Variants in AP3S2 observed in about 807,000 individuals in gnomAD.
AP3S2 encodes the protein AP-3 complex subunit sigma-2.
A neutral mutation model predicts 23.4 loss-of-function variants in AP3S2; 22 were observed. The observed-to-expected ratio is 0.94, with a 90% CI of 0.67 to 1.34. The LOEUF is 1.34. Ranked by LOEUF, AP3S2 falls within the 40% of genes most tolerant of loss-of-function variation. The pLI, the probability that AP3S2 is intolerant of heterozygous loss-of-function variation, is 0.00. For synonymous variants in AP3S2, 86 were observed against 87.1 expected, an observed-to-expected ratio of 0.99 and a Z score of 0.07; for missense variants, 241 against 236.9, an observed-to-expected ratio of 1.02 and a Z score of -0.11.
intron 4 of AP3S2, among the ~76,000 whole-genome samples, chr15:89,840,033 C>T (rs781324173): frequency 5.3e-5 from 8 of 152,122 alleles, no homozygotes; most frequent in East Asian, 3.9e-4. Context: ...GAAACTGGAA[C>T]GGGGGCTGCC....
At chr15:89,888,454 G>C (rs1490840924) in intron 3 of AP3S2, 67 bp downstream of exon 3, 2 of 1,484,292 alleles carry the variant, frequency 1.3e-6, no homozygotes, top group Non-Finnish European at 1.9e-6. Context: ...GGTTCTACAG[G>C]CTGGTTACTC....
At chr15:89,881,860 G>A (rs759590047) in intron 3 of AP3S2, among the ~76,000 whole-genome samples, 73 of 148,448 alleles carry the variant, frequency 4.9e-4, no homozygotes, top group Non-Finnish European at 1.6e-4. Flanking sequence ...CACTGTTGTC[G>A]CCCAGGCTGG....
At position 89,835,099 on chromosome 15, in the gene AP3S2, C is replaced by G. The variant is rs1486245997; in HGVS notation, c.*416G>C. 2 of 206,646 alleles carry G rather than the reference C, an allele frequency of 9.7e-6. No homozygotes were observed. Among genetic ancestry groups the G allele is most frequent in the Non-Finnish European group, 1.9e-5 (2 of 104,568 alleles). The allele number at this position is 206,646 out of a possible 1,614,324, so 12.8% of individuals were successfully genotyped here. A position where few individuals can be genotyped will look rare whatever the true frequency, so the allele number is the denominator to read the frequency against. Reference sequence around the variant, plus strand: ...CACAGGACCTCAGAAGTCTGTGGTGCTAAGGATGAAGACTCTACTCAGAGA... The same window carrying G: ...CACAGGACCTCAGAAGTCTGTGGTGGTAAGGATGAAGACTCTACTCAGAGA... On this transcript the variant is annotated 3_prime_UTR_variant, in exon 6 of 6. Coordinates refer to ENST00000336418, the MANE Select transcript of AP3S2 (RefSeq NM_005829.5).
intron 4 of AP3S2, 73 bp from the exon 5 acceptor site, chr15:89,837,795 T>C (rs540753986): frequency 6.3e-7 from 1 of 1,580,406 alleles, no homozygotes; most frequent in African/African-American, 1.3e-5. Flanking sequence ...GGTTTCCTTT[T>C]CCTGCAGCAG....
intron 4 of AP3S2, among the ~76,000 whole-genome samples, chr15:89,856,992 A>G (rs1895856470): frequency 6.6e-6 from 1 of 152,236 alleles, no homozygotes. Flanking sequence ...TAACCAACAA[A>G]GTATTACATA....
rs1407257507 is a variant in AP3S2, at chr15:89,846,780, C to A, written c.346-9058G>T. ...TGACCTTGTGATCCGCCTGCCTCGG[C>A]CTCCCAAAGTGCTGGGATTACAGGT... On this transcript the variant is annotated intron_variant, in intron 4 of 5. Transcript: ENST00000336418. Among the ~76,000 whole-genome samples, 3 of 152,202 alleles carry A rather than the reference C, an allele frequency of 2.0e-5. No homozygotes were observed. The East Asian group carries it at 5.8e-4, about 29-fold the overall frequency.
At chr15:89,853,488 G>A (rs913171458) in intron 4 of AP3S2, among the ~76,000 whole-genome samples, 3 of 152,190 alleles carry the variant, frequency 2.0e-5, no homozygotes, top group African/African-American at 7.2e-5. Context: ...AATTATAAAT[G>A]GTACCCAAAA....
chr15:89,857,772 G>A (rs986327040), intron 4 of AP3S2, among the ~76,000 whole-genome samples: 1 of 152,120 alleles, frequency 6.6e-6, no homozygotes, highest in Admixed American at 6.6e-5. Flanking sequence ...AAAAAACCAT[G>A]GTCATCATTG....
At chr15:89,866,895 G>A (rs1044593585) in intron 4 of AP3S2, among the ~76,000 whole-genome samples, 2 of 152,110 alleles carry the variant, frequency 1.3e-5, no homozygotes, top group Non-Finnish European at 2.9e-5. Flanking sequence ...ATTGGAGGAG[G>A]TGGGTGATGG....
At position 89,831,549 on chromosome 15, in the gene AP3S2, G is replaced by A. The variant is rs2290351; in HGVS notation, c.*3966C>T. The A allele has an allele frequency of 0.28, 43,248 of 152,216 alleles. 6,728 individuals are homozygous for A. Among genetic ancestry groups the A allele is most frequent in the East Asian group, 0.58 (2,985 of 5,170 alleles). 9.4% of individuals were successfully genotyped at this position (152,216 alleles called of 1,614,324 possible). A position where few individuals can be genotyped will look rare whatever the true frequency, so the allele number is the denominator to read the frequency against. ...GCTGCATCCTATTTGGAAAGCAATG[G>A]ACAGACAGCCACGCTGAAAGCCCTT... On this transcript the variant is annotated 3_prime_UTR_variant, in exon 6 of 6. Coordinates refer to ENST00000336418, the MANE Select transcript of AP3S2 (RefSeq NM_005829.5).
Position 89,873,039 on chromosome 15 carries a change from T to G in AP3S2, c.274-1493A>C, listed in dbSNP as rs191376821. On this transcript the variant is annotated intron_variant, in intron 3 of 5. Transcript: ENST00000336418. ...ACCACATACAATAATTTCATATTAGTGCCATTCATAAATCTTTACATTTTT... is the reference window on the plus strand; with the variant it reads ...ACCACATACAATAATTTCATATTAGGGCCATTCATAAATCTTTACATTTTT... Among the ~76,000 whole-genome samples, 181 of 152,338 alleles carry G rather than the reference T, an allele frequency of 1.2e-3. 5 individuals are homozygous for G. Among genetic ancestry groups the G allele is most frequent in the Admixed American group, 9.5e-3 (146 of 15,306 alleles).
chr15:89,835,498 A>G lies in AP3S2; in HGVS notation c.*17T>C, dbSNP rs1162734277. The G allele has an allele frequency of 1.2e-6, 2 of 1,613,162 alleles. No individual in the cohort carries two copies. The highest frequency in any genetic ancestry group is 1.7e-6 in the Non-Finnish European group (2 of 1,179,764). Reference sequence around the variant, plus strand: ...TTGCTTGTCTTAAGGACTCTATTTCAGGCCAATACTTGATCCTCAGACAAA... The same window carrying G: ...TTGCTTGTCTTAAGGACTCTATTTCGGGCCAATACTTGATCCTCAGACAAA... On this transcript the variant is annotated 3_prime_UTR_variant, in exon 6 of 6. Coordinates refer to ENST00000336418, the MANE Select transcript of AP3S2 (RefSeq NM_005829.5).
At chr15:89,865,038 T>C (rs1400570777) in intron 4 of AP3S2, among the ~76,000 whole-genome samples, 1 of 152,180 alleles carries the variant, frequency 6.6e-6, no homozygotes, top group African/African-American at 2.4e-5. Flanking sequence ...TTAAGTTCTA[T>C]ATCCATCAGT....
intron 1 of AP3S2, among the ~76,000 whole-genome samples, chr15:89,890,203 C>T (rs1258878168): frequency 1.3e-5 from 2 of 152,102 alleles, no homozygotes; most frequent in East Asian, 1.9e-4. Context: ...GTATGTGCCA[C>T]CATGCCCGGC....
chr15:89,872,784 T>C (rs769360501), intron 3 of AP3S2, among the ~76,000 whole-genome samples: 3 of 152,196 alleles, frequency 2.0e-5, no homozygotes, highest in African/African-American at 4.8e-5. Context: ...CTCTTCTCTA[T>C]GTAAGTAAAG....
chr15:89,870,602 A>G (rs965696165), intron 4 of AP3S2, among the ~76,000 whole-genome samples: 3 of 152,190 alleles, frequency 2.0e-5, no homozygotes, highest in African/African-American at 7.2e-5. Context: ...AAACAACAAG[A>G]AAGTCCTTTA....
At chr15:89,859,358 TTCC>T (rs1469828980) in intron 4 of AP3S2, among the ~76,000 whole-genome samples, 2 of 138,420 alleles carry the variant, frequency 1.4e-5, no homozygotes, top group Non-Finnish European at 3.0e-5. Context: ...CCTTCTTTCC[TTCC>T]TTTCCTTCCT....
intron 4 of AP3S2, among the ~76,000 whole-genome samples, chr15:89,841,406 G>C (rs536391370): frequency 1.4e-4 from 21 of 152,304 alleles, no homozygotes; most frequent in African/African-American, 5.1e-4. Context: ...AAAGAAGAAA[G>C]GATGCTACAG....
rs780733980 is a variant in AP3S2, at chr15:89,888,550, T to A, written c.244A>T (p.Ser82Cys). ...ATGAGGTCCAAGATTCCAAGTTCACTCTCTGAGGAATCCACACAAAATACA... is the reference window on the plus strand; with the variant it reads ...ATGAGGTCCAAGATTCCAAGTTCACACTCTGAGGAATCCACACAAAATACA... Reference protein sequence around the residue: ...YFVFCVDSSESELGILDLIQV... With the variant: ...YFVFCVDSSECELGILDLIQV... Residue 82 changes from serine (S) to cysteine (C), a missense_variant, in exon 3 of 6, where the codon AGT (serine) becomes TGT (cysteine). Ser to Cys is a moderately radical substitution (Grantham distance 112). Coordinates refer to ENST00000336418, the MANE Select transcript of AP3S2 (RefSeq NM_005829.5). 2.5e-6 allele frequency: 4 copies of A among 1,614,196 alleles called. No individual in the cohort carries two copies. In the South Asian group the frequency reaches 4.4e-5, roughly 18 times the overall value.
Sources: gnomAD v4.1 joint callset for allele counts (sites outside exome capture counted in the v4.1 genomes callset) on GRCh38, gnomAD v4.1.1 for gene constraint, MANE v1.5 for transcripts, NCBI Gene and HGNC (gene_info 2026-07-23, HGNC 2026-07-21) for gene names.